Variants in FAM227A observed in about 807,000 individuals in gnomAD.
The protein encoded by FAM227A is family with sequence similarity 227 member A.
FAM227A carries 80 observed loss-of-function variants against 74.7 expected under a neutral mutation model. That is an observed-to-expected ratio of 1.07 (90% CI 0.89 to 1.29). The LOEUF (loss-of-function observed/expected upper bound fraction) is 1.29. Ranked by LOEUF, FAM227A falls within the 50% of genes most tolerant of loss-of-function variation. The pLI, the probability that FAM227A is intolerant of heterozygous loss-of-function variation, is 0.00. For synonymous variants in FAM227A, 237 were observed against 241.8 expected (o/e 0.98, Z 0.19); for missense variants, 654 against 683.4 (o/e 0.96, Z 0.48).
intron 3 of FAM227A, among the ~76,000 whole-genome samples, chr22:38,644,273 G>A (rs2092182377): frequency 6.6e-6 from 1 of 152,194 alleles, no homozygotes; most frequent in Non-Finnish European, 1.5e-5. Context: ...GGTAAAACTG[G>A]GGAGAGTAAA....
intron 6 of FAM227A, among the ~76,000 whole-genome samples, chr22:38,636,101 A>T (rs2092000614): frequency 7.4e-6 from 1 of 134,772 alleles, no homozygotes; most frequent in Non-Finnish European, 1.6e-5. Flanking sequence ...GGAGGGAAGA[A>T]GGAAACAGAA....
chr22:38,619,695 CA>C (rs973357861), intron 11 of FAM227A, among the ~76,000 whole-genome samples: 2 of 152,120 alleles, frequency 1.3e-5, no homozygotes, highest in Non-Finnish European at 2.9e-5. Flanking sequence ...CTTAGCTTTG[CA>C]CTTTGAAAAG....
rs557299679 is a variant in FAM227A at position 38,656,358 on chromosome 22, A to C, written c.-333T>G. ...CGCGGTCTCCACTTTCCCGTTTAGCATAACAATGGAACCTTCGTGAGCCGC... is the reference window on the plus strand; with the variant it reads ...CGCGGTCTCCACTTTCCCGTTTAGCCTAACAATGGAACCTTCGTGAGCCGC... On this transcript the variant is annotated 5_prime_UTR_variant, in exon 1 of 17. The change abolishes an upstream ATG in the 5' untranslated region. Transcript: ENST00000535113. 6.6e-6 allele frequency: 1 copy of C among 152,266 alleles called. No individual in the cohort carries two copies. Among genetic ancestry groups the C allele is most frequent in the Non-Finnish European group, 1.5e-5 (1 of 68,084 alleles). The allele number at this position is 152,266 out of a possible 1,614,324, so 9.4% of individuals were successfully genotyped here. A position where few individuals can be genotyped will look rare whatever the true frequency, so the allele number is the denominator to read the frequency against.
At chr22:38,639,433 G>T (rs1459431139) in intron 4 of FAM227A, among the ~76,000 whole-genome samples, 1 of 151,348 alleles carries the variant, frequency 6.6e-6, no homozygotes, top group Non-Finnish European at 1.5e-5. Context: ...AAAACCAAGG[G>T]AATGTGGATA....
intron 6 of FAM227A, among the ~76,000 whole-genome samples, chr22:38,633,180 A>G (rs1260443044): frequency 2.0e-5 from 3 of 152,216 alleles, no homozygotes; most frequent in Admixed American, 2.0e-4. Flanking sequence ...CCCTAAGCAG[A>G]GTAGAAGAAG....
chr22:38,620,864 A>T (rs1034260088), intron 10 of FAM227A, among the ~76,000 whole-genome samples: 1 of 152,030 alleles, frequency 6.6e-6, no homozygotes, highest in African/African-American at 2.4e-5. Flanking sequence ...CAGACACTCA[A>T]CCCACAGGAA....
At chr22:38,647,575 T>A (rs1569242342) in intron 2 of FAM227A, among the ~76,000 whole-genome samples, 1 of 152,328 alleles carries the variant, frequency 6.6e-6, no homozygotes, top group East Asian at 1.9e-4. Context: ...AGGGGACAGA[T>A]GACGGCGTCA....
intron 8 of FAM227A, among the ~76,000 whole-genome samples, chr22:38,627,333 C>T (rs560766434): frequency 6.1e-4 from 92 of 151,904 alleles, no homozygotes; most frequent in African/African-American, 2.2e-3. Flanking sequence ...TTTGGGAGGC[C>T]GAGGCAGGCA....
Position 38,623,311 on chromosome 22 carries a change from C to T in FAM227A, c.851-32G>A, listed in dbSNP as rs1374596811. 22 of 1,442,052 alleles carry T rather than the reference C, an allele frequency of 1.5e-5. No homozygotes were observed. The East Asian group carries it at 2.7e-4, about 18-fold the overall frequency. The allele number at this position is 1,442,052 out of a possible 1,614,324, so 89.3% of individuals were successfully genotyped here. A position where few individuals can be genotyped will look rare whatever the true frequency, so the allele number is the denominator to read the frequency against. On this transcript the variant is annotated intron_variant, in intron 9 of 16. Transcript: ENST00000535113. ...GAGGAGTCAAGAGTGAGAATGGGGCCGGGTGCGGTGGATCACGCCTGTAAT... is the reference window on the plus strand; with the variant it reads ...GAGGAGTCAAGAGTGAGAATGGGGCTGGGTGCGGTGGATCACGCCTGTAAT...
At chr22:38,595,977 G>C (rs916052834) in intron 15 of FAM227A, among the ~76,000 whole-genome samples, 15 of 151,000 alleles carry the variant, frequency 9.9e-5, no homozygotes, top group Non-Finnish European at 1.6e-4. Flanking sequence ...ATAAGGGGGG[G>C]GGGGCAGGAT....
intron 16 of FAM227A, among the ~76,000 whole-genome samples, chr22:38,590,821 T>C (rs1602843456): frequency 6.6e-6 from 1 of 152,144 alleles, no homozygotes; most frequent in African/African-American, 2.4e-5. Context: ...AGTCTCATTC[T>C]GTCTCCAGGA....
At chr22:38,635,154 G>T (rs907503938) in intron 6 of FAM227A, among the ~76,000 whole-genome samples, 39 of 150,988 alleles carry the variant, frequency 2.6e-4, no homozygotes, top group African/African-American at 9.5e-4. Context: ...CTGAATCAGG[G>T]AGCGGAGCTT....
intron 6 of FAM227A, among the ~76,000 whole-genome samples, chr22:38,634,127 C>G (rs2145635189): frequency 6.9e-6 from 1 of 144,560 alleles, no homozygotes; most frequent in Non-Finnish European, 1.5e-5. Flanking sequence ...GAGGCTGAGA[C>G]AGGAGAAGTG....
chr22:38,634,989 G>T (rs1243969639), intron 6 of FAM227A, among the ~76,000 whole-genome samples: 1 of 152,120 alleles, frequency 6.6e-6, no homozygotes, highest in Non-Finnish European at 1.5e-5. Flanking sequence ...GCTCACACCT[G>T]TAATCCCAGC....
At chr22:38,651,383 G>C (rs1015622030) in intron 1 of FAM227A, among the ~76,000 whole-genome samples, 16 of 152,094 alleles carry the variant, frequency 1.1e-4, no homozygotes, top group African/African-American at 3.9e-4. Context: ...TTGTTTGTTT[G>C]TTTGTTTTGA....
intron 3 of FAM227A, among the ~76,000 whole-genome samples, chr22:38,641,279 C>T (rs962815107): frequency 6.6e-6 from 1 of 152,114 alleles, no homozygotes; most frequent in Admixed American, 6.5e-5. Context: ...GACCAATGAC[C>T]GGCATTTTGG....
chr22:38,609,034 C>T (rs1698259519), intron 11 of FAM227A, among the ~76,000 whole-genome samples: 1 of 152,002 alleles, frequency 6.6e-6, no homozygotes, highest in African/African-American at 2.4e-5. Flanking sequence ...CTCAGGTGAT[C>T]TGCCCAACTT....
chr22:38,585,907 A>G lies in FAM227A; in HGVS notation c.*218T>C, dbSNP rs891443105. ...CACGTAATAAAATACTGAAAGAGTA[A>G]ATCTATGAATAAATGTAGTGACCCA... On this transcript the variant is annotated 3_prime_UTR_variant, in exon 17 of 17. Transcript: ENST00000535113. 1.9e-6 allele frequency: 2 copies of G among 1,065,716 alleles called. No homozygotes were observed. The highest frequency in any genetic ancestry group is 3.2e-5 in the African/African-American group (2 of 62,502). The allele number at this position is 1,065,716 out of a possible 1,614,324, so 66.0% of individuals were successfully genotyped here.
chr22:38,619,975 C>A (rs1350911268), intron 11 of FAM227A, among the ~76,000 whole-genome samples: 1 of 152,174 alleles, frequency 6.6e-6, no homozygotes, highest in Non-Finnish European at 1.5e-5. Context: ...CTGGTTCCTT[C>A]CCTCTCTCTT....
Sources: allele counts gnomAD v4.1 joint callset (sites outside exome capture counted in the v4.1 genomes callset), GRCh38; gene constraint gnomAD v4.1.1; transcripts MANE v1.5; gene names NCBI Gene and HGNC (gene_info 2026-07-23, HGNC 2026-07-21).